The following PRDM16 variants were observed in gnomAD, a reference collection of about 807,000 sequenced individuals.
PRDM16 encodes histone-lysine N-methyltransferase PRDM16.
A neutral mutation model predicts 110.6 loss-of-function variants in PRDM16; 23 were observed. That is an observed-to-expected ratio of 0.21 (90% CI 0.15 to 0.29). PRDM16 has a LOEUF of 0.29. Ranked by LOEUF, PRDM16 falls within the 10% of genes least tolerant of loss-of-function variation. PRDM16 has a pLI of 1.00. For missense variants in PRDM16, 1,615 were observed against 1,794.3 expected, an observed-to-expected ratio of 0.90 and a Z score of 1.81; for synonymous variants, 799 against 781.8, an observed-to-expected ratio of 1.02 and a Z score of -0.37.
At chr1:3,229,824 C>T (rs1337449133) in intron 2 of PRDM16, among the ~76,000 whole-genome samples, 2 of 152,176 alleles carry the variant, frequency 1.3e-5, no homozygotes, top group East Asian at 3.9e-4. Context: ...AGCCCCTGGC[C>T]CAGGCTCCAT....
In PRDM16 at chr1:3,333,449, G is replaced by A. The variant is rs118096250; in HGVS notation, c.439-51703G>A. Among the ~76,000 whole-genome samples, 9 of 152,282 alleles carry A rather than the reference G, an allele frequency of 5.9e-5. No individual in the cohort carries two copies. The East Asian group carries it at 1.2e-3, about 20-fold the overall frequency. On this transcript the variant is annotated intron_variant, in intron 3 of 16. Transcript: ENST00000270722. ...ATCTGACCCTAGGAGTCTGGAAACC[G>A]GACTCCAAAACGTGCCCTAGCTTTC...
intron 1 of PRDM16, among the ~76,000 whole-genome samples, chr1:3,167,614 G>A: frequency 1.3e-5 from 1 of 79,232 alleles, no homozygotes; most frequent in African/African-American, 5.7e-5. Flanking sequence ...GCACCTCTGT[G>A]ACATTGCCCC....
intron 1 of PRDM16, among the ~76,000 whole-genome samples, chr1:3,115,523 G>A (rs981579883): frequency 3.3e-5 from 5 of 152,362 alleles, no homozygotes; most frequent in Non-Finnish European, 5.9e-5. Context: ...CCAGCCTAGC[G>A]AGTGGCGTTT....
chr1:3,083,201 A>C (rs1642069676), intron 1 of PRDM16, among the ~76,000 whole-genome samples: 1 of 152,136 alleles, frequency 6.6e-6, no homozygotes, highest in Non-Finnish European at 1.5e-5. Flanking sequence ...AGACCACTGG[A>C]TGAGCGCAGT....
chr1:3,412,366 G>A lies in PRDM16; in HGVS notation c.2169G>A (p.Ser723=), dbSNP rs775363690. Residue 723 remains serine (S), a synonymous_variant, in exon 9 of 17, where the codon TCG becomes TCA. Coordinates refer to ENST00000270722, the MANE Select transcript of PRDM16 (RefSeq NM_022114.4). ...EKKLGSLPYH[S]AFPFQFLPNF... ...AGCTGGGCTCGCTCCCCTACCACTC[G>A]GCGTTCCCCTTCCAGTTCCTGCCCA... 27 of 1,613,362 alleles carry A rather than the reference G, an allele frequency of 1.7e-5. No homozygotes were observed. The highest frequency in any genetic ancestry group is 5.5e-5 in the South Asian group (5 of 91,086).
At chr1:3,237,110 C>T (rs1256683764) in intron 2 of PRDM16, among the ~76,000 whole-genome samples, 2 of 152,110 alleles carry the variant, frequency 1.3e-5, no homozygotes, top group African/African-American at 4.8e-5. Flanking sequence ...GGCCCGTGCA[C>T]ACAGGAAGCC....
intron 3 of PRDM16, among the ~76,000 whole-genome samples, chr1:3,347,324 C>T (rs1486315668): frequency 1.3e-5 from 2 of 152,230 alleles, no homozygotes; most frequent in Non-Finnish European, 2.9e-5. Flanking sequence ...CCAGGGAGGG[C>T]GAGACTCTCA....
intron 1 of PRDM16, among the ~76,000 whole-genome samples, chr1:3,117,496 G>T (rs1266147229): frequency 6.6e-6 from 1 of 152,206 alleles, no homozygotes; most frequent in Non-Finnish European, 1.5e-5. Context: ...AGAGCCTGGG[G>T]GCATCGCCAT....
intron 1 of PRDM16, among the ~76,000 whole-genome samples, chr1:3,169,733 C>T (rs1353707197): frequency 2.0e-5 from 3 of 152,260 alleles, no homozygotes; most frequent in Non-Finnish European, 4.4e-5. Flanking sequence ...CTCCTGTACG[C>T]CATCAGGATC....
intron 1 of PRDM16, among the ~76,000 whole-genome samples, chr1:3,099,238 G>A (rs1463201357): frequency 6.6e-6 from 1 of 152,234 alleles, no homozygotes; most frequent in Admixed American, 6.5e-5. Context: ...GACCAACCCA[G>A]TTCTAGCCTT....
intron 2 of PRDM16, among the ~76,000 whole-genome samples, chr1:3,217,734 C>A (rs763309420): frequency 6.6e-6 from 1 of 152,134 alleles, no homozygotes; most frequent in Non-Finnish European, 1.5e-5. Flanking sequence ...TTTTTCAACA[C>A]GGGAGAGCTC....
Position 3,411,993 on chromosome 1 carries a change from C to T in PRDM16, c.1796C>T (p.Ser599Leu), listed in dbSNP as rs367734333. The T allele has an allele frequency of 3.2e-5, 52 of 1,613,636 alleles. No individual in the cohort carries two copies. Among genetic ancestry groups the T allele is most frequent in the Admixed American group, 1.2e-4 (7 of 60,018 alleles). The stretch of plus-strand genomic sequence containing the variant: ...CTGAAGACCAGGAGCAGCGACATGT[C>T]GGACGGCAGTGACTTTGAGGACGTC... ...EKLKTRSSDMSDGSDFEDVNT... is the reference protein window; with the variant it reads ...EKLKTRSSDMLDGSDFEDVNT... Residue 599 changes from serine to leucine, a missense_variant, in exon 9 of 17, where the codon TCG becomes TTG. Physicochemically the swap from Ser to Leu is moderately radical, Grantham distance 145. Coordinates refer to ENST00000270722, the MANE Select transcript of PRDM16 (RefSeq NM_022114.4).
rs115442575 is a variant in PRDM16, at chr1:3,319,676, G to A, written c.439-65476G>A. Among the ~76,000 whole-genome samples, 762 of 152,196 alleles carry A rather than the reference G, an allele frequency of 5.0e-3. 5 individuals are homozygous for A. Among genetic ancestry groups the A allele is most frequent in the African/African-American group, 0.017 (716 of 41,530 alleles). On this transcript the variant is annotated intron_variant, in intron 3 of 16. Coordinates refer to ENST00000270722, the MANE Select transcript of PRDM16 (RefSeq NM_022114.4). ...CCTTTGCTGGCTGCTTGGGGAAATC[G>A]AAGCCTAGGGGTCCACTAACTTCCC...
At chr1:3,283,684 T>C (rs901605578) in intron 3 of PRDM16, among the ~76,000 whole-genome samples, 1 of 151,282 alleles carries the variant, frequency 6.6e-6, no homozygotes. Flanking sequence ...CGAAGGGTTA[T>C]GGGGACCAGA....
chr1:3,390,471 A>T lies in PRDM16; in HGVS notation c.573+5185A>T, dbSNP rs996600470. Among the ~76,000 whole-genome samples the T allele has an allele frequency of 6.6e-6, 1 of 152,158 alleles. No individual in the cohort carries two copies. The highest frequency in any genetic ancestry group is 1.5e-5 in the Non-Finnish European group (1 of 68,020). ...TGCCTGGGCATCAGACAAACCCCAA[A>T]ACCCCAGGGCCTTCCAGGGGCAGAG... is the stretch of plus-strand genomic sequence containing the variant. On this transcript the variant is annotated intron_variant, in intron 4 of 16. Transcript: ENST00000270722. The surrounding 1 kb of genome is among the most constrained non-coding windows in gnomAD (Gnocchi z 5.0).
intron 1 of PRDM16, among the ~76,000 whole-genome samples, chr1:3,162,051 C>T (rs372325155): frequency 1.3e-5 from 2 of 152,324 alleles, no homozygotes; most frequent in African/African-American, 4.8e-5. Context: ...CACCCCTTCC[C>T]GTCCCCCTAG....
intron 3 of PRDM16, among the ~76,000 whole-genome samples, chr1:3,323,232 G>T (rs1641802885): frequency 6.6e-6 from 1 of 152,200 alleles, no homozygotes; most frequent in African/African-American, 2.4e-5. Flanking sequence ...ACCGGTACAG[G>T]TGGGGGCAGC....
chr1:3,266,438 C>A (rs1051460199), intron 3 of PRDM16, among the ~76,000 whole-genome samples: 2 of 152,178 alleles, frequency 1.3e-5, no homozygotes, highest in African/African-American at 4.8e-5. Flanking sequence ...ATTCTCTCCC[C>A]CTGAGAGCCC....
At chr1:3,210,904 G>A (rs796619528) in intron 2 of PRDM16, among the ~76,000 whole-genome samples, 19 of 151,834 alleles carry the variant, frequency 1.3e-4, no homozygotes, top group Admixed American at 4.6e-4. Context: ...TTATTTATTC[G>A]ATATGTATTT....
Sources: gnomAD v4.1 joint callset for allele counts (sites outside exome capture counted in the v4.1 genomes callset) on GRCh38, gnomAD v4.1.1 for gene constraint, Gnocchi (gnomAD v3.1) non-coding constraint, MANE v1.5 for transcripts, NCBI Gene and HGNC (gene_info 2026-07-23, HGNC 2026-07-21) for gene names.